The following RARRES1 variants were observed in gnomAD, a reference collection of about 807,000 sequenced individuals.
The protein encoded by RARRES1 is retinoic acid receptor responder protein 1.
A neutral mutation model predicts 30.6 loss-of-function variants in RARRES1; 34 were observed. The observed-to-expected ratio is 1.11, with a 90% confidence interval of 0.84 to 1.48. RARRES1 has a LOEUF of 1.48. RARRES1 is among the 40% of genes most tolerant of loss of function. The pLI, the probability that RARRES1 is intolerant of heterozygous loss-of-function variation, is 0.00. For synonymous variants in RARRES1, 153 were observed against 155.5 expected (o/e 0.98, Z 0.12); for missense variants, 373 against 386.5 (o/e 0.97, Z 0.29).
rs1485751182 is a variant in RARRES1 at position 158,710,939 on chromosome 3, G to GA, written c.340-7dup. 1 of 1,611,020 alleles carries GA rather than the reference G, an allele frequency of 6.2e-7. No individual in the cohort carries two copies. The highest frequency in any genetic ancestry group is 1.7e-5 in the Admixed American group (1 of 59,772). Reference sequence around the variant, plus strand: ...TCACCTTCCTGAAGTAAAGACTGTGGAGTTAAACAGGATACTTTATCACCT... The same window carrying GA: ...TCACCTTCCTGAAGTAAAGACTGTGGAAGTTAAACAGGATACTTTATCACCT... On this transcript the variant is annotated splice_polypyrimidine_tract_variant and splice_region_variant and intron_variant, in intron 2 of 5. Coordinates refer to ENST00000237696, the MANE Select transcript of RARRES1 (RefSeq NM_206963.2).
At chr3:158,706,263 G>A (rs2108134351) in intron 3 of RARRES1, among the ~76,000 whole-genome samples, 1 of 152,324 alleles carries the variant, frequency 6.6e-6, no homozygotes, top group South Asian at 2.1e-4. Context: ...CCTTAAGAGA[G>A]GGAGGATCAG....
intron 3 of RARRES1, 41 bp downstream of exon 3, chr3:158,710,697 A>G: frequency 1.3e-6 from 2 of 1,513,700 alleles, no homozygotes; most frequent in Non-Finnish European, 1.8e-6. Context: ...TAGTTATTAC[A>G]TACATTCCTG....
At chr3:158,709,619 A>G (rs1727044753) in intron 3 of RARRES1, among the ~76,000 whole-genome samples, 1 of 152,226 alleles carries the variant, frequency 6.6e-6, no homozygotes, top group Non-Finnish European at 1.5e-5. Flanking sequence ...GATGGGGAGC[A>G]GAGACATTCA....
intron 4 of RARRES1, among the ~76,000 whole-genome samples, chr3:158,703,377 C>G (rs1445503175): frequency 6.6e-6 from 1 of 152,150 alleles, no homozygotes; most frequent in Non-Finnish European, 1.5e-5. Context: ...CTCTGCTGGA[C>G]TTTTTCTCAT....
At chr3:158,711,031 G>GCAGT in intron 2 of RARRES1, 98 bp from the exon 3 acceptor site, 1 of 1,168,172 alleles carries the variant, frequency 8.6e-7, no homozygotes, top group Non-Finnish European at 1.2e-6. Flanking sequence ...AGGCAGGCAG[G>GCAGT]CTCTGGCATC....
chr3:158,704,515 T>C (rs1177547213), intron 4 of RARRES1: 1 of 340,162 alleles, frequency 2.9e-6, no homozygotes, highest in Non-Finnish European at 5.0e-6. Context: ...GCATTTACCA[T>C]CATATGATAC....
chr3:158,724,968 C>T (rs1003279856), intron 1 of RARRES1, among the ~76,000 whole-genome samples: 1 of 152,132 alleles, frequency 6.6e-6, no homozygotes, highest in Non-Finnish European at 1.5e-5. Flanking sequence ...GCTGGGACTA[C>T]AAGTACGTGC....
intron 1 of RARRES1, among the ~76,000 whole-genome samples, chr3:158,728,226 C>T (rs1312147218): frequency 1.3e-5 from 2 of 150,424 alleles, no homozygotes; most frequent in Admixed American, 6.6e-5. Flanking sequence ...AAAAAAAAAC[C>T]GGATCCCACA....
rs958416669 is a variant in RARRES1, at chr3:158,697,576, C to G, written c.*102G>C. 7.9e-7 allele frequency: 1 copy of G among 1,271,050 alleles called. No individual in the cohort carries two copies. Among genetic ancestry groups the G allele is most frequent in the African/African-American group, 1.5e-5 (1 of 66,108 alleles). 78.7% of individuals were successfully genotyped at this position (1,271,050 alleles called of 1,614,324 possible). A position where few individuals can be genotyped will look rare whatever the true frequency, so the allele number is the denominator to read the frequency against. ...TTTTTACTTGTAATCATAGGTTTTC[C>G]CAAATTATTAGAATGTCTATACCTT... is the stretch of plus-strand genomic sequence containing the variant. On this transcript the variant is annotated 3_prime_UTR_variant, in exon 6 of 6. Coordinates refer to ENST00000237696, the MANE Select transcript of RARRES1 (RefSeq NM_206963.2).
At chr3:158,699,180 T>C (rs551523790) in intron 4 of RARRES1, among the ~76,000 whole-genome samples, 30 of 152,302 alleles carry the variant, frequency 2.0e-4, no homozygotes, top group African/African-American at 6.5e-4. Flanking sequence ...GTGCACCTGC[T>C]TGCACCCTCT....
intron 1 of RARRES1, among the ~76,000 whole-genome samples, chr3:158,730,139 G>A (rs990121086): frequency 2.6e-5 from 4 of 151,940 alleles, no homozygotes; most frequent in Non-Finnish European, 5.9e-5. Flanking sequence ...GCCCAACATG[G>A]TGAAACCCTG....
chr3:158,698,369 C>T (rs1726619675), intron 4 of RARRES1, among the ~76,000 whole-genome samples: 1 of 152,230 alleles, frequency 6.6e-6, no homozygotes, highest in African/African-American at 2.4e-5. Flanking sequence ...GGGTTCTGTG[C>T]TAGGCACCTT....
chr3:158,706,718 T>C (rs1219331716), intron 3 of RARRES1, among the ~76,000 whole-genome samples: 1 of 152,198 alleles, frequency 6.6e-6, no homozygotes, highest in Non-Finnish European at 1.5e-5. Context: ...AGTAGATTAG[T>C]TGATAATGAC....
chr3:158,731,539 C>A lies in RARRES1; in HGVS notation c.276+601G>T, dbSNP rs74516361. 7.4e-3 allele frequency among the ~76,000 whole-genome samples: 1,120 copies of A among 152,298 alleles called. 10 individuals are homozygous for A. The highest frequency in any genetic ancestry group is 0.024 in the Middle Eastern group (7 of 294). On this transcript the variant is annotated intron_variant, in intron 1 of 5. Transcript: ENST00000237696. Reference sequence around the variant, plus strand: ...TCATATAGAACACTGGGCTCGGATTCACTCACTTCTAATTAGATCAAATCA... The same window carrying A: ...TCATATAGAACACTGGGCTCGGATTAACTCACTTCTAATTAGATCAAATCA...
Position 158,732,135 on chromosome 3 carries a change from C to A in RARRES1, c.276+5G>T. On this transcript the variant is annotated splice_donor_5th_base_variant and intron_variant, in intron 1 of 5. Coordinates refer to ENST00000237696, the MANE Select transcript of RARRES1 (RefSeq NM_206963.2). ...GCGTGCCCCGGCGCGTCGCTCCGCACTCACCCACGCGCGGCCCTCCTGCAC... is the reference window on the plus strand; with the variant it reads ...GCGTGCCCCGGCGCGTCGCTCCGCAATCACCCACGCGCGGCCCTCCTGCAC... 1 of 1,361,496 alleles carries A rather than the reference C, an allele frequency of 7.3e-7. No individual in the cohort carries two copies. Among genetic ancestry groups the A allele is most frequent in the Non-Finnish European group, 9.4e-7 (1 of 1,065,578 alleles). 84.3% of individuals were successfully genotyped at this position (1,361,496 alleles called of 1,614,324 possible). A position where few individuals can be genotyped will look rare whatever the true frequency, so the allele number is the denominator to read the frequency against.
chr3:158,716,749 A>G (rs1162694013), intron 1 of RARRES1, among the ~76,000 whole-genome samples: 1 of 151,960 alleles, frequency 6.6e-6, no homozygotes, highest in Non-Finnish European at 1.5e-5. Flanking sequence ...ACACCTGGCT[A>G]ATTTTTTGTA....
chr3:158,720,233 G>GGTGTGTGT (rs781535998), intron 1 of RARRES1, among the ~76,000 whole-genome samples: 16,724 of 138,922 alleles, frequency 0.12, 938 homozygotes, highest in South Asian at 0.17. Context: ...GCTGGCTGCT[G>GGTGTGTGT]GTGTGTGTGT....
At chr3:158,702,013 C>T (rs1327527609) in intron 4 of RARRES1, among the ~76,000 whole-genome samples, 2 of 151,958 alleles carry the variant, frequency 1.3e-5, no homozygotes, top group Admixed American at 6.6e-5. Flanking sequence ...ACCATTCTCC[C>T]TCTGCATTTG....
chr3:158,719,087 G>A lies in RARRES1; in HGVS notation c.277-5228C>T, dbSNP rs559176051. ...GAGCACATTGTTCCAATATTTTTCC[G>A]AAAAGGGCTATTTAATAAGAAAAAG... On this transcript the variant is annotated intron_variant, in intron 1 of 5. Transcript: ENST00000237696. Among the ~76,000 whole-genome samples the A allele has an allele frequency of 1.4e-4, 22 of 151,976 alleles. No homozygotes were observed. In the South Asian group the frequency reaches 2.1e-3, roughly 14 times the overall value.
Sources: allele counts gnomAD v4.1 joint callset (sites outside exome capture counted in the v4.1 genomes callset), GRCh38; gene constraint gnomAD v4.1.1; transcripts MANE v1.5; gene names NCBI Gene and HGNC (gene_info 2026-07-23, HGNC 2026-07-21).